The following RAP1GDS1 variants were observed in gnomAD, a reference collection of about 807,000 sequenced individuals.
RAP1GDS1 encodes RAP1, GTP-GDP dissociation stimulator 1.
RAP1GDS1 carries 35 observed loss-of-function variants against 71.1 expected under a neutral mutation model. That is an observed-to-expected ratio of 0.49 (90% CI 0.38 to 0.65). RAP1GDS1 has a LOEUF of 0.65. RAP1GDS1 is among the 30% of genes least tolerant of loss of function. The pLI is 0.00. For missense variants in RAP1GDS1, 663 were observed against 706.1 expected (o/e 0.94, Z 0.69); for synonymous variants, 229 against 243.1 (o/e 0.94, Z 0.54).
At chr4:98,435,999 A>G (rs2110221642) in intron 13 of RAP1GDS1, among the ~76,000 whole-genome samples, 1 of 151,358 alleles carries the variant, frequency 6.6e-6, no homozygotes, top group African/African-American at 2.4e-5. Flanking sequence ...TGAACCCAGG[A>G]GGCGGAGCTT....
At chr4:98,422,196 T>C (rs1001955494) in intron 12 of RAP1GDS1, among the ~76,000 whole-genome samples, 2 of 151,956 alleles carry the variant, frequency 1.3e-5, no homozygotes, top group African/African-American at 2.4e-5. Context: ...CAAGACTCCG[T>C]CTCAAAATAA....
intron 2 of RAP1GDS1, among the ~76,000 whole-genome samples, chr4:98,324,417 CTACTT>C (rs1732567421): frequency 6.6e-6 from 1 of 151,894 alleles, no homozygotes; most frequent in African/African-American, 2.4e-5. Flanking sequence ...TTGGAAAAAA[CTACTT>C]TAAAGTTCAT....
In RAP1GDS1 at chr4:98,442,910, A is replaced by ACTT. The variant is rs1222011520; in HGVS notation, c.*796_*798dup. ...ACATACGCTGTTTCACTCAGGAACT[A>ACTT]CTTCTACCAGTTAATCAGCATTATC... On this transcript the variant is annotated 3_prime_UTR_variant, in exon 15 of 15. Coordinates refer to ENST00000408927, the MANE Select transcript of RAP1GDS1 (RefSeq NM_001100427.2). 4.3e-6 allele frequency: 1 copy of ACTT among 231,216 alleles called. No individual in the cohort carries two copies. The highest frequency in any genetic ancestry group is 2.2e-5 in the African/African-American group (1 of 45,094). The allele number at this position is 231,216 out of a possible 1,614,324, so 14.3% of individuals were successfully genotyped here. A position where few individuals can be genotyped will look rare whatever the true frequency, so the allele number is the denominator to read the frequency against.
intron 2 of RAP1GDS1, among the ~76,000 whole-genome samples, chr4:98,305,458 A>T (rs939253880): frequency 6.6e-6 from 1 of 152,274 alleles, no homozygotes; most frequent in South Asian, 2.1e-4. Flanking sequence ...AATATGTCCT[A>T]TGTGCTTAAT....
chr4:98,318,090 G>A (rs1322780353), intron 2 of RAP1GDS1, among the ~76,000 whole-genome samples: 3 of 152,038 alleles, frequency 2.0e-5, no homozygotes, highest in Admixed American at 6.6e-5. Context: ...TGATTTGCCC[G>A]CCTTGGCCTC....
chr4:98,430,380 G>A (rs1391997627), intron 12 of RAP1GDS1, among the ~76,000 whole-genome samples: 1 of 152,190 alleles, frequency 6.6e-6, no homozygotes, highest in African/African-American at 2.4e-5. Flanking sequence ...GAACTATAAA[G>A]TGTGTTAATT....
intron 4 of RAP1GDS1, among the ~76,000 whole-genome samples, chr4:98,368,736 T>C (rs1460109774): frequency 1.3e-5 from 2 of 152,180 alleles, no homozygotes; most frequent in Non-Finnish European, 2.9e-5. Context: ...AAAATTTGTT[T>C]CATAGAATAG....
intron 2 of RAP1GDS1, among the ~76,000 whole-genome samples, chr4:98,319,798 A>G (rs1034214266): frequency 1.3e-3 from 193 of 150,986 alleles, no homozygotes; most frequent in African/African-American, 3.0e-3. Context: ...AAAAAAAAAA[A>G]AGAGAGAAAT....
chr4:98,437,176 T>A, intron 14 of RAP1GDS1, 108 bp downstream of exon 14: 1 of 1,185,080 alleles, frequency 8.4e-7, no homozygotes, highest in Non-Finnish European at 1.1e-6. Context: ...CGTTAGAAAT[T>A]AGTTTATGGA....
intron 4 of RAP1GDS1, among the ~76,000 whole-genome samples, chr4:98,374,267 T>C (rs1343782077): frequency 2.6e-5 from 4 of 152,204 alleles, no homozygotes; most frequent in Non-Finnish European, 1.5e-5. Flanking sequence ...CGCTGAGTCT[T>C]TTCTTGGTTT....
chr4:98,327,049 A>G (rs1324348792), intron 2 of RAP1GDS1, among the ~76,000 whole-genome samples: 1 of 152,180 alleles, frequency 6.6e-6, no homozygotes, highest in South Asian at 2.1e-4. Flanking sequence ...AGACTTTACA[A>G]TGATGTGATC....
intron 1 of RAP1GDS1, among the ~76,000 whole-genome samples, chr4:98,285,650 G>A (rs1725850991): frequency 6.6e-6 from 1 of 151,514 alleles, no homozygotes. Flanking sequence ...CATCTTTCCT[G>A]TCACTTCTTA....
chr4:98,321,706 G>A (rs1731939955), intron 2 of RAP1GDS1, among the ~76,000 whole-genome samples: 1 of 127,878 alleles, frequency 7.8e-6, no homozygotes, highest in East Asian at 2.4e-4. Context: ...ATACTTTACA[G>A]ACAAGCAAAT....
intron 7 of RAP1GDS1, among the ~76,000 whole-genome samples, chr4:98,409,051 A>C (rs1233852889): frequency 6.6e-6 from 1 of 152,284 alleles, no homozygotes; most frequent in Admixed American, 6.5e-5. Flanking sequence ...AAAGAAAAAA[A>C]ATTAAGATAA....
At chr4:98,391,929 TTG>T (rs1743750054) in intron 5 of RAP1GDS1, 21 bp from the exon 6 acceptor site, 4 of 1,558,114 alleles carry the variant, frequency 2.6e-6, no homozygotes, top group African/African-American at 1.4e-5. Context: ...TTTTCTGTTG[TTG>T]TTTTTTTTTT....
Position 98,379,021 on chromosome 4 carries a change from G to T in RAP1GDS1, c.366G>T (p.Glu122Asp). 1 of 1,592,990 alleles carries T rather than the reference G, an allele frequency of 6.3e-7. No individual in the cohort carries two copies. Among genetic ancestry groups the T allele is most frequent in the South Asian group, 1.1e-5 (1 of 87,020 alleles). Residue 122 changes from glutamate to aspartate, a missense_variant, in exon 5 of 15, where the codon GAG (glutamate) becomes GAT (aspartate). Physicochemically the swap from Glu to Asp is conservative, Grantham distance 45 (BLOSUM62 2). Coordinates refer to ENST00000408927, the MANE Select transcript of RAP1GDS1 (RefSeq NM_001100427.2). ...ATTTAACTCTTTGTTTTACAGATGA[G>T]GGCAGAAGTGCAGTTGACCAAGCAG... is the stretch of plus-strand genomic sequence containing the variant. ...ALGNICYDSH[E>D]GRSAVDQAGG...
chr4:98,327,816 T>G (rs942602461), intron 2 of RAP1GDS1, among the ~76,000 whole-genome samples: 15 of 152,214 alleles, frequency 9.9e-5, no homozygotes, highest in Admixed American at 9.8e-4. Flanking sequence ...TGAGTGGTTC[T>G]TGGTCTAAGC....
At chr4:98,265,083 A>T (rs959018462) in intron 1 of RAP1GDS1, among the ~76,000 whole-genome samples, 1 of 152,212 alleles carries the variant, frequency 6.6e-6, no homozygotes, top group African/African-American at 2.4e-5. Context: ...GGTATAGGAA[A>T]ATTTGTCAGT....
At chr4:98,350,631 A>T in intron 3 of RAP1GDS1, among the ~76,000 whole-genome samples, 1 of 152,150 alleles carries the variant, frequency 6.6e-6, no homozygotes, top group East Asian at 1.9e-4. Context: ...CGAGGTCAGG[A>T]GTTCAAGACC....
Sources: gnomAD v4.1 joint callset for allele counts (sites outside exome capture counted in the v4.1 genomes callset) on GRCh38, gnomAD v4.1.1 for gene constraint, MANE v1.5 for transcripts, NCBI Gene and HGNC (gene_info 2026-07-23, HGNC 2026-07-21) for gene names.